The following NFIA variants were observed in gnomAD, a reference collection of about 807,000 sequenced individuals.
The protein encoded by NFIA is nuclear factor 1 A-type.
In NFIA, 8 loss-of-function variants were observed where a neutral mutation model predicts 62.8. The ratio of observed to expected loss-of-function variants is 0.13; its 90% CI spans 0.07 to 0.23. The LOEUF (loss-of-function observed/expected upper bound fraction) is 0.23. NFIA is among the 10% of genes least tolerant of loss of function. The pLI is 1.00. For missense variants in NFIA, 410 were observed against 642.1 expected, an observed-to-expected ratio of 0.64 and a Z score of 3.91; for synonymous variants, 235 against 238.1, an observed-to-expected ratio of 0.99 and a Z score of 0.12.
At chr1:61,091,317 T>C (rs376225240) in intron 2 of NFIA, among the ~76,000 whole-genome samples, 4 of 152,210 alleles carry the variant, frequency 2.6e-5, no homozygotes, top group African/African-American at 4.8e-5. Context: ...TACGTGAGAA[T>C]ACTAGAAGCA....
At position 61,307,641 on chromosome 1, in the gene NFIA, C is replaced by G. The variant is rs1208722623; in HGVS notation, c.626-24871C>G. Among the ~76,000 whole-genome samples, 7 of 152,154 alleles carry G rather than the reference C, an allele frequency of 4.6e-5. No homozygotes were observed. The East Asian group carries it at 1.3e-3, about 29-fold the overall frequency. ...CCAGTACCCACATATGACTGTGCTTCTGTTTTGTGTTTTATTAAGTTGCTC... is the reference window on the plus strand; with the variant it reads ...CCAGTACCCACATATGACTGTGCTTGTGTTTTGTGTTTTATTAAGTTGCTC... On this transcript the variant is annotated intron_variant, in intron 3 of 10. Transcript: ENST00000403491.
At position 61,359,228 on chromosome 1, in the gene NFIA, C is replaced by G. The variant is rs1462677991; in HGVS notation, c.900C>G (p.Ser300=). 6.2e-7 allele frequency: 1 copy of G among 1,612,818 alleles called. No individual in the cohort carries two copies. Among genetic ancestry groups the G allele is most frequent in the South Asian group, 1.1e-5 (1 of 91,024 alleles). The change falls in exon 6 of 11, where the codon TCC becomes TCG. Residue 300 remains serine (S), a synonymous_variant. Transcript: ENST00000403491. ...EEPFYTGQGR[S]PGSGSQSSGW... is the part of the protein sequence containing the mutation. The stretch of plus-strand genomic sequence containing the variant: ...CATTTTATACAGGCCAAGGGCGCTC[C>G]CCAGGAAGTGGCAGTCAGTCAAGTG...
intron 2 of NFIA, among the ~76,000 whole-genome samples, chr1:61,233,974 A>G (rs1449043984): frequency 6.6e-6 from 1 of 152,176 alleles, no homozygotes; most frequent in Non-Finnish European, 1.5e-5. Flanking sequence ...GAGAGCTGTG[A>G]AGAGATCCTT....
At chr1:61,346,611 A>G (rs1268978898) in intron 4 of NFIA, among the ~76,000 whole-genome samples, 1 of 152,070 alleles carries the variant, frequency 6.6e-6, no homozygotes, top group East Asian at 1.9e-4. Context: ...CATTGTAAAA[A>G]TTCTATTTTC....
intron 7 of NFIA, among the ~76,000 whole-genome samples, chr1:61,386,325 C>T (rs147212649): frequency 5.9e-5 from 9 of 152,236 alleles, no homozygotes; most frequent in African/African-American, 1.9e-4. Flanking sequence ...GGCAAAGTTG[C>T]CACAACCCAA....
intron 2 of NFIA, among the ~76,000 whole-genome samples, chr1:61,264,280 G>C (rs1486240699): frequency 6.6e-6 from 1 of 152,108 alleles, no homozygotes; most frequent in Admixed American, 6.6e-5. Context: ...ACGTATGTTA[G>C]AGACAGTCCT....
chr1:61,422,748 A>T (rs1415859312), intron 9 of NFIA, among the ~76,000 whole-genome samples: 1 of 146,718 alleles, frequency 6.8e-6, no homozygotes, highest in African/African-American at 2.5e-5. Context: ...TCTCTATTTA[A>T]AAAAAAAAAA....
chr1:61,227,043 T>C (rs1032789779), intron 2 of NFIA, among the ~76,000 whole-genome samples: 5 of 152,224 alleles, frequency 3.3e-5, no homozygotes, highest in Admixed American at 2.0e-4. Context: ...GAATGAGCTC[T>C]CCTTTTGTTT....
At chr1:61,180,802 C>T (rs1044422778) in intron 2 of NFIA, among the ~76,000 whole-genome samples, 4 of 152,164 alleles carry the variant, frequency 2.6e-5, no homozygotes, top group Non-Finnish European at 5.9e-5. Context: ...TGCTTGAATT[C>T]TGGGGCTGAA....
Position 61,269,333 on chromosome 1 carries a change from G to T in NFIA, c.560-8187G>T, listed in dbSNP as rs1397896377. Among the ~76,000 whole-genome samples the T allele has an allele frequency of 2.0e-5, 3 of 151,994 alleles. No homozygotes were observed. The East Asian group carries it at 5.8e-4, about 29-fold the overall frequency. The stretch of plus-strand genomic sequence containing the variant: ...TGATAGAAGGTATTTTATTTTAAAA[G>T]CTCTGTTTTGATACTTAAATAAGAC... On this transcript the variant is annotated intron_variant, in intron 2 of 10. Coordinates refer to ENST00000403491, the MANE Select transcript of NFIA (RefSeq NM_001134673.4).
chr1:61,271,700 T>C (rs1039478669), intron 2 of NFIA, among the ~76,000 whole-genome samples: 8 of 152,164 alleles, frequency 5.3e-5, no homozygotes, highest in African/African-American at 1.2e-4. Context: ...CTTTTGGAGC[T>C]AGGAGTTCCC....
intron 2 of NFIA, among the ~76,000 whole-genome samples, chr1:61,255,813 A>G (rs1341505762): frequency 6.6e-6 from 1 of 152,162 alleles, no homozygotes; most frequent in Non-Finnish European, 1.5e-5. Flanking sequence ...CTATCATACA[A>G]TTTATATATC....
chr1:61,304,668 T>C (rs34414896), intron 3 of NFIA, among the ~76,000 whole-genome samples: 13 of 5,730 alleles, frequency 2.3e-3, no homozygotes, highest in Admixed American at 0.011. Flanking sequence ...TAAGATCTGA[T>C]TTTTTTTTTT....
At chr1:61,128,919 T>G (rs1411494348) in intron 2 of NFIA, among the ~76,000 whole-genome samples, 4 of 123,976 alleles carry the variant, frequency 3.2e-5, no homozygotes, top group South Asian at 6.0e-4. Context: ...ACTTATGTTT[T>G]TTTTTTTTTT....
Position 61,394,836 on chromosome 1 carries a change from C to T in NFIA, c.1076-9268C>T, listed in dbSNP as rs567826010. On this transcript the variant is annotated intron_variant, in intron 7 of 10. Coordinates refer to ENST00000403491, the MANE Select transcript of NFIA (RefSeq NM_001134673.4). ...CTTGAAAGTAGTCTTTGGCTGGGAG[C>T]GGTGGCTCACACCTGTAATCCCAAC... Among the ~76,000 whole-genome samples the T allele has an allele frequency of 9.9e-5, 15 of 152,190 alleles. No homozygotes were observed. In the South Asian group the frequency reaches 2.3e-3, roughly 23 times the overall value.
chr1:61,173,154 C>T (rs568084959), intron 2 of NFIA, among the ~76,000 whole-genome samples: 18 of 152,302 alleles, frequency 1.2e-4, no homozygotes, highest in Admixed American at 2.0e-4. Flanking sequence ...TCCACTATTC[C>T]GTTTTGATAC....
intron 10 of NFIA, among the ~76,000 whole-genome samples, chr1:61,437,045 G>T (rs1311549541): frequency 2.3e-4 from 35 of 152,182 alleles, no homozygotes; most frequent in Admixed American, 1.8e-3. Flanking sequence ...AGATAATGGG[G>T]ATGCCACCAG....
At chr1:61,332,476 A>AT (rs779700245) in intron 3 of NFIA, 36 bp from the exon 4 acceptor site, 1 of 1,580,302 alleles carries the variant, frequency 6.3e-7, no homozygotes, top group African/African-American at 1.3e-5. Context: ...TCTTGTATTT[A>AT]TGACACTTTG....
At chr1:61,238,707 T>A (rs1416599504) in intron 2 of NFIA, among the ~76,000 whole-genome samples, 2 of 152,174 alleles carry the variant, frequency 1.3e-5, no homozygotes, top group Non-Finnish European at 2.9e-5. Flanking sequence ...TCTGGTGCTT[T>A]TCCCTCTTGG....
Sources: allele counts gnomAD v4.1 joint callset (sites outside exome capture counted in the v4.1 genomes callset), GRCh38; gene constraint gnomAD v4.1.1; transcripts MANE v1.5; gene names NCBI Gene and HGNC (gene_info 2026-07-23, HGNC 2026-07-21).